The following REEP5 variants were observed in gnomAD, a reference collection of about 807,000 sequenced individuals.
REEP5 encodes receptor accessory protein 5.
REEP5 carries 24 observed loss-of-function variants against 22.4 expected under a neutral mutation model. The observed-to-expected ratio is 1.07, with a 90% CI of 0.78 to 1.51. REEP5 has a LOEUF of 1.51. Ranked by LOEUF, REEP5 falls within the 40% of genes most tolerant of loss-of-function variation. REEP5 has a pLI of 0.00. For synonymous variants in REEP5, 103 were observed against 88.6 expected (o/e 1.16, Z -0.92); for missense variants, 252 against 233.0 (o/e 1.08, Z -0.53).
At chr5:112,918,077 G>T (rs1426399228) in intron 2 of REEP5, among the ~76,000 whole-genome samples, 9 of 152,122 alleles carry the variant, frequency 5.9e-5, no homozygotes, top group Non-Finnish European at 1.2e-4. Context: ...GTAAAAGAGG[G>T]AAGTAAGGAG....
Position 112,902,411 on chromosome 5 carries a change from A to T in REEP5, c.320T>A (p.Leu107Gln). 2 of 1,613,140 alleles carry T rather than the reference A, an allele frequency of 1.2e-6. No individual in the cohort carries two copies. The highest frequency in any genetic ancestry group is 3.3e-5 in the Admixed American group (2 of 59,728). The change falls in exon 3 of 5, where the codon CTG becomes CAG. Residue 107 changes from leucine to glutamine, a missense_variant. Physicochemically the swap from Leu to Gln is moderately radical, Grantham distance 113. Transcript: ENST00000379638. ...CATGTAGTAGAAGGGGAACCATGAC[A>T]GGAAGATATCAGAGAAGAATTCAGC... ...SIAEFFSDIF[L>Q]SWFPFYYMLK... is the part of the protein sequence containing the mutation.
At chr5:112,892,156 G>T in intron 3 of REEP5, 1 of 1,614,190 alleles carries the variant, frequency 6.2e-7, no homozygotes, top group Non-Finnish European at 8.5e-7. Flanking sequence ...AATGGAGAAG[G>T]ATCGAGCTAA....
intron 2 of REEP5, among the ~76,000 whole-genome samples, chr5:112,920,196 G>A (rs1197314553): frequency 1.3e-5 from 2 of 152,190 alleles, no homozygotes; most frequent in Non-Finnish European, 2.9e-5. Flanking sequence ...GCTCAAATCA[G>A]AACTAACTTC....
At chr5:112,914,857 A>G (rs1241085266) in intron 2 of REEP5, among the ~76,000 whole-genome samples, 6 of 152,214 alleles carry the variant, frequency 3.9e-5, no homozygotes, top group South Asian at 2.1e-4. Context: ...TGGAATCAGG[A>G]AAGTGTGCAA....
chr5:112,911,386 G>GTTAGTTAT (rs1610963), intron 2 of REEP5, among the ~76,000 whole-genome samples: 85,774 of 151,460 alleles, frequency 0.57, 27,053 homozygotes, highest in African/African-American at 0.87. Context: ...CTAAGCTTAA[G>GTTAGTTAT]CTCGGTATTG....
At chr5:112,912,650 G>T (rs969575765) in intron 2 of REEP5, among the ~76,000 whole-genome samples, 1 of 152,116 alleles carries the variant, frequency 6.6e-6, no homozygotes, top group Admixed American at 6.5e-5. Context: ...GAAGAACATG[G>T]ACCATAATGT....
rs150853176 is a variant in REEP5, at chr5:112,899,018, T to C, written c.351+3362A>G. ...AACTTTAAAAGACACTCACTTCATA[T>C]AGTGTCTTGTCTTTTTTCTTTTTTA... is the stretch of plus-strand genomic sequence containing the variant. On this transcript the variant is annotated intron_variant, in intron 3 of 4. Transcript: ENST00000379638. 3.5e-3 allele frequency among the ~76,000 whole-genome samples: 535 copies of C among 152,312 alleles called. 1 individual carries two copies. Among genetic ancestry groups the C allele is most frequent in the Admixed American group, 6.7e-3 (102 of 15,286 alleles).
intron 2 of REEP5, among the ~76,000 whole-genome samples, chr5:112,918,053 G>C (rs1038049930): frequency 6.6e-6 from 1 of 152,104 alleles, no homozygotes; most frequent in Non-Finnish European, 1.5e-5. Context: ...CCAGTAGTCT[G>C]CCTCCTGTTA....
Position 112,921,326 on chromosome 5 carries a change from C to T in REEP5, c.119-70G>A, listed in dbSNP as rs73223930. The stretch of plus-strand genomic sequence containing the variant: ...GTTCACGCGGGACAGCCGCCGCCCA[C>T]ACCGCGAGGCTGGGCCTGTTGTAGG... On this transcript the variant is annotated intron_variant, in intron 1 of 4. Coordinates refer to ENST00000379638, the MANE Select transcript of REEP5 (RefSeq NM_005669.5). 18,838 of 1,422,770 alleles carry T rather than the reference C, an allele frequency of 0.013. 1,015 individuals carry two copies. The African/African-American group carries it at 0.16, about 12-fold the overall frequency. The allele number at this position is 1,422,770 out of a possible 1,614,324, so 88.1% of individuals were successfully genotyped here.
At chr5:112,890,256 A>G (rs905006184) in intron 3 of REEP5, among the ~76,000 whole-genome samples, 3 of 150,610 alleles carry the variant, frequency 2.0e-5, no homozygotes, top group Admixed American at 1.3e-4. Flanking sequence ...CATCACTGCA[A>G]TCCAGGCTTG....
At chr5:112,879,711 C>T (rs538713624) in intron 4 of REEP5, among the ~76,000 whole-genome samples, 33 of 151,970 alleles carry the variant, frequency 2.2e-4, no homozygotes, top group Non-Finnish European at 1.6e-4. Context: ...TTCCTGACCT[C>T]GTGATCTGCC....
chr5:112,921,800 G>C, intron 1 of REEP5: 2 of 317,466 alleles, frequency 6.3e-6, no homozygotes, highest in Non-Finnish European at 1.2e-5. Context: ...GCCGGGCCGC[G>C]GGGCAGACAT....
chr5:112,887,144 T>G lies in REEP5; in HGVS notation c.391A>C (p.Asn131His), dbSNP rs1202500834. ...CGCTTGTAGAGCAGTTCAGCCCCAT[T>G]AGAAGGGCTCGGGGCCATGCACCAC... Reference protein sequence around the residue: ...LLWCMAPSPSNGAELLYKRII... With the variant: ...LLWCMAPSPSHGAELLYKRII... The change falls in exon 4 of 5, where the codon AAT (asparagine) becomes CAT (histidine). Residue 131 changes from asparagine (N) to histidine (H), a missense_variant. Coordinates refer to ENST00000379638, the MANE Select transcript of REEP5 (RefSeq NM_005669.5). The G allele has an allele frequency of 1.2e-6, 2 of 1,611,370 alleles. No homozygotes were observed. The highest frequency in any genetic ancestry group is 2.7e-5 in the African/African-American group (2 of 74,962).
rs186885256 is a variant in REEP5, at chr5:112,878,446, C to T, written c.*340G>A. 5.6e-4 allele frequency: 138 copies of T among 245,064 alleles called. 2 individuals are homozygous for T. The South Asian group carries it at 6.9e-3, about 12-fold the overall frequency. 15.2% of individuals were successfully genotyped at this position (245,064 alleles called of 1,614,324 possible). A position where few individuals can be genotyped will look rare whatever the true frequency, so the allele number is the denominator to read the frequency against. On this transcript the variant is annotated 3_prime_UTR_variant, in exon 5 of 5. Transcript: ENST00000379638. ...CCTAAATGTAACTACAGAGAAAATG[C>T]GTGCAGGGAGAGCCCAGTAAAGTAC... is the stretch of plus-strand genomic sequence containing the variant.
chr5:112,885,214 TG>T, intron 4 of REEP5: 1 of 165,600 alleles, frequency 6.0e-6, no homozygotes, highest in Non-Finnish European at 1.3e-5. Flanking sequence ...GCTGTGGGGG[TG>T]GGGAGCCCCA....
At chr5:112,897,519 A>C (rs1319986325) in intron 3 of REEP5, 1 of 152,198 alleles carries the variant, frequency 6.6e-6, no homozygotes, top group Non-Finnish European at 1.5e-5. Flanking sequence ...AGCATATGTA[A>C]ATTTCATAAT....
intron 3 of REEP5, among the ~76,000 whole-genome samples, 196 bp downstream of exon 3, chr5:112,902,184 G>A (rs1269225523): frequency 6.7e-6 from 1 of 150,012 alleles, no homozygotes; most frequent in African/African-American, 2.5e-5. Flanking sequence ...CTACTCGGGA[G>A]GCTGAGGCAA....
At chr5:112,920,920 A>G (rs1420770223) in intron 2 of REEP5, among the ~76,000 whole-genome samples, 1 of 152,210 alleles carries the variant, frequency 6.6e-6, no homozygotes, top group Non-Finnish European at 1.5e-5. Flanking sequence ...TGTGCCAAAG[A>G]GAGGGGACAC....
At chr5:112,904,007 T>C (rs367794060) in intron 2 of REEP5, among the ~76,000 whole-genome samples, 19 of 152,140 alleles carry the variant, frequency 1.2e-4, no homozygotes, top group African/African-American at 4.6e-4. Flanking sequence ...ACTTGCTAAA[T>C]TTTTAGTAGA....
Sources: gnomAD v4.1 joint callset for allele counts (sites outside exome capture counted in the v4.1 genomes callset) on GRCh38, gnomAD v4.1.1 for gene constraint, MANE v1.5 for transcripts, NCBI Gene and HGNC (gene_info 2026-07-23, HGNC 2026-07-21) for gene names.